AKR1E2: variants seen among roughly 807,000 people sequenced by gnomAD.
AKR1E2 encodes the protein aldo-keto reductase family 1 member E2, also known as 1,5-anhydro-D-fructose reductase.
A neutral mutation model predicts 41.9 loss-of-function variants in AKR1E2; 43 were observed. That is an observed-to-expected ratio of 1.03 (90% confidence interval 0.80 to 1.32). AKR1E2 has a LOEUF of 1.32. Ranked by LOEUF, AKR1E2 falls within the 40% of genes most tolerant of loss-of-function variation. The pLI, the probability that AKR1E2 is intolerant of heterozygous loss-of-function variation, is 0.00. For synonymous variants in AKR1E2, 121 were observed against 138.9 expected (o/e 0.87, Z 0.91); for missense variants, 423 against 396.5 (o/e 1.07, Z -0.57).
At chr10:4,850,320 T>C (rs1374491167), downstream of AKR1E2, among the ~76,000 whole-genome samples, 2 of 152,190 alleles carry the variant, frequency 1.3e-5, no homozygotes, top group Admixed American at 1.3e-4. Flanking sequence ...AGTAGCTGCT[T>C]CTCCTCATTG....
At position 4,847,139 on chromosome 10, in the gene AKR1E2, T is replaced by C. The variant is rs1834393335; in HGVS notation, c.838-9T>C. ...TAAGTTTTCTACAAACATTGTGTTT[T>C]GGTTCCAGGTGTTTGATTTTGAATT... On this transcript the variant is annotated splice_polypyrimidine_tract_variant and intron_variant, in intron 8 of 9. Coordinates refer to ENST00000298375, the MANE Select transcript of AKR1E2 (RefSeq NM_001040177.3). 1 of 1,613,162 alleles carries C rather than the reference T, an allele frequency of 6.2e-7. No homozygotes were observed. The highest frequency in any genetic ancestry group is 8.5e-7 in the Non-Finnish European group (1 of 1,179,848).
intron 4 of AKR1E2, 146 bp downstream of exon 4, chr10:4,835,955 C>A: frequency 8.4e-7 from 1 of 1,188,848 alleles, no homozygotes; most frequent in Non-Finnish European, 1.1e-6. Flanking sequence ...AATCAATACC[C>A]GAAGAACTCA....
chr10:4,868,537 G>A, the AKR1E2 span, among the ~76,000 whole-genome samples: 1 of 152,100 alleles, frequency 6.6e-6, no homozygotes, highest in South Asian at 2.1e-4. Context: ...CTTGTGATAT[G>A]TATGCCTTTT....
At chr10:4,838,099 T>C (rs77671193) in intron 5 of AKR1E2, among the ~76,000 whole-genome samples, 5,311 of 152,346 alleles carry the variant, frequency 0.035, 150 homozygotes, top group East Asian at 0.11. Context: ...TATACAGTAC[T>C]TAAGCTTTTT....
chr10:4,854,983 G>C, the AKR1E2 span, among the ~76,000 whole-genome samples: 8 of 152,180 alleles, frequency 5.3e-5, no homozygotes, highest in Non-Finnish European at 1.0e-4. Context: ...GACAGGATTA[G>C]ACATGTACAG....
chr10:4,862,066 C>G, the AKR1E2 span, among the ~76,000 whole-genome samples: 1 of 152,160 alleles, frequency 6.6e-6, no homozygotes, highest in African/African-American at 2.4e-5. Context: ...GGTTTTAGGT[C>G]TAACATTTAA....
At chr10:4,864,831 A>G in the AKR1E2 span, among the ~76,000 whole-genome samples, 6 of 152,240 alleles carry the variant, frequency 3.9e-5, no homozygotes, top group African/African-American at 1.4e-4. Context: ...TAAGTGAATT[A>G]TAGTGTGTTC....
Position 4,837,548 on chromosome 10 carries a change from G to GC in AKR1E2, c.551dup (p.Gly185TrpfsTer12). ...AACAGCTTGAGAGGCTTTTGAATAAGCCTGGGTTGAGGTTCAAGCCACTAA... is the reference window on the plus strand; with the variant it reads ...AACAGCTTGAGAGGCTTTTGAATAAGCCCTGGGTTGAGGTTCAAGCCACTAA... On this transcript the variant is annotated frameshift_variant, in exon 5 of 10. Transcript: ENST00000298375. LOFTEE classifies it high-confidence loss of function. 6.2e-7 allele frequency: 1 copy of GC among 1,613,796 alleles called. No homozygotes were observed. Among genetic ancestry groups the GC allele is most frequent in the Non-Finnish European group, 8.5e-7 (1 of 1,179,836 alleles).
chr10:4,868,548 A>T, the AKR1E2 span, among the ~76,000 whole-genome samples: 1 of 152,148 alleles, frequency 6.6e-6, no homozygotes, highest in Admixed American at 6.6e-5. Context: ...TATGCCTTTT[A>T]TCTACTTTTC....
At chr10:4,837,308 G>C (rs1279370563) in intron 4 of AKR1E2, 151 bp from the exon 5 acceptor site, 4 of 1,153,464 alleles carry the variant, frequency 3.5e-6, no homozygotes, top group Non-Finnish European at 4.7e-6. Context: ...ATCAGACCTT[G>C]AGTGCAGAAA....
At chr10:4,861,132 T>C in the AKR1E2 span, among the ~76,000 whole-genome samples, 39,200 of 152,072 alleles carry the variant, frequency 0.26, 5,248 homozygotes, top group Middle Eastern at 0.36. Context: ...ATTAAAACAC[T>C]CTATCCAAAA....
the AKR1E2 span, chr10:4,871,892 T>C: frequency 6.6e-6 from 1 of 152,340 alleles, no homozygotes; most frequent in East Asian, 1.9e-4. Flanking sequence ...CACAGACTCT[T>C]TTCTTTATAT....
rs1348422702 is a variant in AKR1E2, at chr10:4,843,205, C to T, written c.837+701C>T. The stretch of plus-strand genomic sequence containing the variant: ...CAGTCAGGGCCATGGACTTGGGATT[C>T]CCACAGTCTCACTCACGATTTAACT... On this transcript the variant is annotated intron_variant, in intron 8 of 9. Coordinates refer to ENST00000298375, the MANE Select transcript of AKR1E2 (RefSeq NM_001040177.3). Among the ~76,000 whole-genome samples, 3 of 152,194 alleles carry T rather than the reference C, an allele frequency of 2.0e-5. No individual in the cohort carries two copies. In the South Asian group the frequency reaches 6.2e-4, roughly 32 times the overall value.
chr10:4,871,613 C>T, the AKR1E2 span, among the ~76,000 whole-genome samples: 1 of 146,926 alleles, frequency 6.8e-6, no homozygotes, highest in Non-Finnish European at 1.5e-5. Flanking sequence ...ATTTTAGCCT[C>T]AGTGAGATGG....
downstream of AKR1E2, among the ~76,000 whole-genome samples, chr10:4,852,972 C>T (rs1834559472): frequency 6.6e-6 from 1 of 152,044 alleles, no homozygotes. Flanking sequence ...GGTTGTGGGG[C>T]TATGTCTTAA....
At chr10:4,856,709 G>T in the AKR1E2 span, among the ~76,000 whole-genome samples, 5 of 152,294 alleles carry the variant, frequency 3.3e-5, no homozygotes, top group African/African-American at 1.2e-4. Context: ...CTTAGTGTAT[G>T]TTATTAATAC....
intron 5 of AKR1E2, among the ~76,000 whole-genome samples, chr10:4,839,010 C>T (rs1219853502): frequency 1.3e-5 from 2 of 152,118 alleles, no homozygotes; most frequent in Admixed American, 6.5e-5. Flanking sequence ...TTGGCATGTT[C>T]CTGAGAGCAA....
At chr10:4,831,585 A>G (rs1050455857) in intron 2 of AKR1E2, among the ~76,000 whole-genome samples, 1 of 152,140 alleles carries the variant, frequency 6.6e-6, no homozygotes, top group African/African-American at 2.4e-5. Flanking sequence ...TGCCCCCATG[A>G]TTCAGTTACC....
intron 3 of AKR1E2, among the ~76,000 whole-genome samples, chr10:4,835,439 C>G (rs1434720562): frequency 6.6e-6 from 1 of 152,164 alleles, no homozygotes; most frequent in Non-Finnish European, 1.5e-5. Flanking sequence ...CAGGGTCTTC[C>G]TTTCCCATCT....
Sources: allele counts gnomAD v4.1 joint callset (sites outside exome capture counted in the v4.1 genomes callset), GRCh38; gene constraint gnomAD v4.1.1; transcripts MANE v1.5; gene names NCBI Gene and HGNC (gene_info 2026-07-23, HGNC 2026-07-21).